ANO3: variants seen among roughly 807,000 people sequenced by gnomAD.
The protein encoded by ANO3 is anoctamin-3.
In ANO3, 99 loss-of-function variants were observed where a neutral mutation model predicts 144.8. The observed-to-expected ratio is 0.68, with a 90% CI of 0.58 to 0.81. The LOEUF is 0.81. ANO3 is among the 30% of genes least tolerant of loss of function. ANO3 has a pLI of 0.00. For missense variants in ANO3, 905 were observed against 1,202.2 expected, an observed-to-expected ratio of 0.75 and a Z score of 3.66; for synonymous variants, 414 against 392.6, an observed-to-expected ratio of 1.05 and a Z score of -0.64.
At chr11:26,372,788 G>T (rs544411364) in intron 1 of ANO3, among the ~76,000 whole-genome samples, 2 of 152,044 alleles carry the variant, frequency 1.3e-5, no homozygotes, top group Non-Finnish European at 2.9e-5. Context: ...CATTAAACAA[G>T]GAAAGGGGTC....
At chr11:26,250,407 T>C (rs1198251351) in intron 1 of ANO3, among the ~76,000 whole-genome samples, 2 of 152,226 alleles carry the variant, frequency 1.3e-5, no homozygotes, top group East Asian at 1.9e-4. Context: ...CAACAGTCTC[T>C]GGCATCCATA....
chr11:26,399,474 A>G (rs145292443), intron 1 of ANO3, among the ~76,000 whole-genome samples: 1 of 151,758 alleles, frequency 6.6e-6, no homozygotes, highest in Non-Finnish European at 1.5e-5. Flanking sequence ...CACCATTTCA[A>G]GTTTCCTCAC....
intron 5 of ANO3, among the ~76,000 whole-genome samples, chr11:26,509,598 C>G (rs1590435764): frequency 6.6e-6 from 1 of 152,108 alleles, no homozygotes; most frequent in Non-Finnish European, 1.5e-5. Flanking sequence ...CAGGCGTGAG[C>G]TCCTGCGCCC....
At chr11:26,610,605 A>G (rs1361325688) in intron 17 of ANO3, among the ~76,000 whole-genome samples, 1 of 152,074 alleles carries the variant, frequency 6.6e-6, no homozygotes, top group African/African-American at 2.4e-5. Context: ...TGCCCAGCCC[A>G]AAGTCATACA....
chr11:26,627,839 G>GTGTGTA (rs1852638574), intron 18 of ANO3, among the ~76,000 whole-genome samples: 1 of 142,016 alleles, frequency 7.0e-6, no homozygotes, highest in Non-Finnish European at 1.5e-5. Flanking sequence ...GTGTGTGTGT[G>GTGTGTA]TGTGTGTGTG....
rs566061981 is a variant in ANO3, at chr11:26,244,369, G to C, written c.154+55039G>C. ...CTTTGTAGCTAACACAACTGGATGG[G>C]AATACTAGCTTTTCTGTTTACTAGT... On this transcript the variant is annotated intron_variant, in intron 1 of 27. Coordinates refer to the ANO3 transcript ENST00000672621. Among the ~76,000 whole-genome samples the C allele has an allele frequency of 1.2e-3, 180 of 152,208 alleles. 2 individuals carry two copies. Among genetic ancestry groups the C allele is most frequent in the Admixed American group, 3.9e-3 (59 of 15,290 alleles).
intron 1 of ANO3, among the ~76,000 whole-genome samples, chr11:26,370,988 G>A (rs1475923908): frequency 1.3e-5 from 2 of 152,236 alleles, no homozygotes; most frequent in Admixed American, 1.3e-4. Context: ...TCAGCAATTT[G>A]TGTAAGTAAT....
chr11:26,392,474 C>A (rs1162582664), intron 1 of ANO3, among the ~76,000 whole-genome samples: 2 of 151,388 alleles, frequency 1.3e-5, no homozygotes, highest in East Asian at 1.9e-4. Flanking sequence ...TTTTTTAGAT[C>A]TGAGGGAACC....
intron 1 of ANO3, among the ~76,000 whole-genome samples, chr11:26,258,548 T>A (rs1282549211): frequency 6.6e-6 from 1 of 151,316 alleles, no homozygotes; most frequent in Non-Finnish European, 1.5e-5. Flanking sequence ...TGCCTCATAG[T>A]TGAATTAATT....
Position 26,656,254 on chromosome 11 carries a change from T to TC in ANO3, c.2657+55dup, listed in dbSNP as rs753478311. On this transcript the variant is annotated intron_variant, in intron 25 of 26. Coordinates refer to ENST00000256737, the MANE Select transcript of ANO3 (RefSeq NM_031418.4). ...TGCTTGCTTTCACCATTCCAAGTAC[T>TC]CCCCCCTGCATGTTAATGAGGACAT... 44 of 1,535,736 alleles carry TC rather than the reference T, an allele frequency of 2.9e-5. No homozygotes were observed. The African/African-American group carries it at 5.5e-4, about 19-fold the overall frequency.
intron 14 of ANO3, among the ~76,000 whole-genome samples, chr11:26,595,573 G>C (rs1288614737): frequency 7.0e-6 from 1 of 142,444 alleles, no homozygotes; most frequent in African/African-American, 2.6e-5. Flanking sequence ...TCCTAACTCT[G>C]CTTCCACAAG....
At chr11:26,307,757 T>TAATAATAAC (rs998358229), upstream of ANO3, among the ~76,000 whole-genome samples, 10 of 144,840 alleles carry the variant, frequency 6.9e-5, no homozygotes, top group Admixed American at 2.8e-4. Context: ...ATAATAATAA[T>TAATAATAAC]AACAATTTAA....
chr11:26,521,611 G>C (rs1462998861), intron 6 of ANO3, among the ~76,000 whole-genome samples: 1 of 152,082 alleles, frequency 6.6e-6, no homozygotes, highest in African/African-American at 2.4e-5. Context: ...GTTTATAATA[G>C]TCTACATTTT....
chr11:26,646,661 T>C (rs1281956430), intron 23 of ANO3, among the ~76,000 whole-genome samples: 5 of 152,134 alleles, frequency 3.3e-5, no homozygotes, highest in African/African-American at 1.2e-4. Flanking sequence ...TATCAGTTAC[T>C]TTAATTCAGA....
At chr11:26,248,814 G>A (rs962485864) in intron 1 of ANO3, among the ~76,000 whole-genome samples, 3 of 152,080 alleles carry the variant, frequency 2.0e-5, no homozygotes, top group South Asian at 2.1e-4. Flanking sequence ...GGAACCATAC[G>A]CACACAGCAG....
rs567422649 is a variant in ANO3 at position 26,349,610 on chromosome 11, G to A, written c.46+17289G>A. ...GTTGCCCAGGCTGGAGTGCAGTGGCGCGATCTCAGCTCACTGCAAGCTCCG... is the reference window on the plus strand; with the variant it reads ...GTTGCCCAGGCTGGAGTGCAGTGGCACGATCTCAGCTCACTGCAAGCTCCG... On this transcript the variant is annotated intron_variant, in intron 1 of 26. Transcript: ENST00000256737. Among the ~76,000 whole-genome samples the A allele has an allele frequency of 2.6e-5, 4 of 152,008 alleles. No homozygotes were observed. The East Asian group carries it at 5.8e-4, about 22-fold the overall frequency.
chr11:26,591,394 T>C (rs1851448900), intron 14 of ANO3, among the ~76,000 whole-genome samples: 1 of 152,110 alleles, frequency 6.6e-6, no homozygotes, highest in African/African-American at 2.4e-5. Context: ...CTGCAGTAGA[T>C]CTTAGTCATG....
At chr11:26,566,903 C>A in intron 14 of ANO3, 1 of 561,800 alleles carries the variant, frequency 1.8e-6, no homozygotes. Context: ...ACTGAATGGG[C>A]TGACTTAGGT....
chr11:26,566,317 A>G, intron 14 of ANO3, among the ~76,000 whole-genome samples: 1 of 152,046 alleles, frequency 6.6e-6, no homozygotes, highest in African/African-American at 2.4e-5. Context: ...AATCTATTTA[A>G]GAAAACGCAT....
Sources: gnomAD v4.1 joint callset for allele counts (sites outside exome capture counted in the v4.1 genomes callset) on GRCh38, gnomAD v4.1.1 for gene constraint, MANE v1.5 for transcripts, NCBI Gene and HGNC (gene_info 2026-07-23, HGNC 2026-07-21) for gene names.